Variants in PLAC1 observed in about 807,000 individuals in gnomAD.
PLAC1 encodes the protein placenta associated 1.
For synonymous variants in PLAC1, 68 were observed against 62.1 expected (o/e 1.09, Z -0.44); for missense variants, 136 against 163.2 (o/e 0.83, Z 0.91).
chrX:134,659,930 T>A (rs377098827), upstream of PLAC1, among the ~76,000 whole-genome samples: 2 of 111,675 alleles, frequency 1.8e-5, no homozygotes, highest in African/African-American at 6.5e-5. Flanking sequence ...AGCACATGAA[T>A]CTGTGTTTGT....
intron 2 of PLAC1, among the ~76,000 whole-genome samples, chrX:134,587,462 T>A (rs1022946704): frequency 9.0e-6 from 1 of 110,770 alleles, no homozygotes; most frequent in African/African-American, 3.3e-5. Flanking sequence ...GCACCTATAA[T>A]CCCAGCTACT....
chrX:134,760,161 A>G (rs968032312), intron 1 of PLAC1: 18 of 112,393 alleles, frequency 1.6e-4, no homozygotes, highest in African/African-American at 5.2e-4. Flanking sequence ...AAAATTTTAA[A>G]TTATGAACTT....
chrX:134,731,207 CACT>C (rs1441400435), intron 2 of PLAC1, among the ~76,000 whole-genome samples: 3 of 112,060 alleles, frequency 2.7e-5, no homozygotes, highest in Non-Finnish European at 5.6e-5. Context: ...ATTCCAGCAC[CACT>C]ACTTTAGAGC....
rs763435067 is a variant in PLAC1, at chrX:134,688,296, T to G, written n.174+45139A>C. The stretch of plus-strand genomic sequence containing the variant: ...TAGCCTTTCATTCACTGAGCAAGTA[T>G]GTAACAGACAACAGAGCAAATATTG... On this transcript the variant is annotated intron_variant and non_coding_transcript_variant, in intron 2 of 2. Transcript: ENST00000466797. Among the ~76,000 whole-genome samples, 8 of 112,033 alleles carry G rather than the reference T, an allele frequency of 7.1e-5. No homozygotes were observed. The East Asian group carries it at 2.3e-3, about 32-fold the overall frequency.
At chrX:134,607,881 C>A (rs1380751045) in intron 1 of PLAC1, among the ~76,000 whole-genome samples, 3 of 110,515 alleles carry the variant, frequency 2.7e-5, no homozygotes, top group African/African-American at 9.9e-5. Context: ...ACCTTGGATG[C>A]GGACCCCAAG....
At chrX:134,604,924 T>C (rs1373340771) in intron 1 of PLAC1, among the ~76,000 whole-genome samples, 2 of 111,849 alleles carry the variant, frequency 1.8e-5, no homozygotes, top group African/African-American at 6.5e-5. Flanking sequence ...TCACAGTGCC[T>C]TTCCAGTTCT....
intron 2 of PLAC1, among the ~76,000 whole-genome samples, chrX:134,714,999 A>G (rs759373293): frequency 8.9e-6 from 1 of 111,794 alleles, no homozygotes; most frequent in Non-Finnish European, 1.9e-5. Flanking sequence ...AGAATGAGGT[A>G]TCCCATCCCC....
intron 2 of PLAC1, among the ~76,000 whole-genome samples, chrX:134,732,212 G>A (rs972239009): frequency 9.0e-6 from 1 of 111,380 alleles, no homozygotes; most frequent in African/African-American, 3.3e-5. Flanking sequence ...GCTCCAGACA[G>A]AAATTAAATC....
chrX:134,751,908 A>T (rs1459702788), intron 1 of PLAC1, among the ~76,000 whole-genome samples: 2 of 112,450 alleles, frequency 1.8e-5, no homozygotes, highest in African/African-American at 6.5e-5. Flanking sequence ...GAACACCAAG[A>T]ATAAATGTTT....
intron 1 of PLAC1, among the ~76,000 whole-genome samples, chrX:134,756,121 G>T (rs950309047): frequency 9.1e-6 from 1 of 110,117 alleles, no homozygotes; most frequent in Non-Finnish European, 1.9e-5. Context: ...AAAGTGTTGG[G>T]ATTACAGGCA....
chrX:134,758,996 A>G (rs1439219353), intron 1 of PLAC1, among the ~76,000 whole-genome samples: 1 of 112,016 alleles, frequency 8.9e-6, no homozygotes, highest in Admixed American at 9.5e-5. Flanking sequence ...GAAAACATAC[A>G]AACAGCCAAC....
intron 1 of PLAC1, among the ~76,000 whole-genome samples, chrX:134,754,913 T>C (rs949745748): frequency 1.8e-5 from 2 of 110,421 alleles, no homozygotes; most frequent in Non-Finnish European, 3.8e-5. Flanking sequence ...ATAAGATAAA[T>C]GTTGGAATGA....
chrX:134,723,007 T>A (rs1462120157), intron 2 of PLAC1, among the ~76,000 whole-genome samples: 2 of 110,009 alleles, frequency 1.8e-5, no homozygotes, highest in African/African-American at 3.3e-5. Context: ...TGATTCTGAA[T>A]ACTGTCTCTT....
intron 1 of PLAC1, among the ~76,000 whole-genome samples, chrX:134,628,167 T>C (rs755583396): frequency 9.8e-5 from 11 of 112,066 alleles, no homozygotes; most frequent in African/African-American, 3.6e-4. Context: ...CAAGAATTGG[T>C]TTACTGGAAG....
chrX:134,665,453 A>G (rs1486779863), intron 2 of PLAC1, among the ~76,000 whole-genome samples: 1 of 111,842 alleles, frequency 8.9e-6, no homozygotes, highest in East Asian at 2.8e-4. Flanking sequence ...GTTGATGGGC[A>G]TTGAGACTAT....
chrX:134,588,146 A>G (rs1218144466), intron 2 of PLAC1, among the ~76,000 whole-genome samples: 3 of 110,992 alleles, frequency 2.7e-5, no homozygotes, highest in African/African-American at 9.8e-5. Context: ...AACACCCTTG[A>G]ATAGATTTTA....
At chrX:134,695,929 C>A (rs1198816812) in intron 2 of PLAC1, among the ~76,000 whole-genome samples, 3 of 110,047 alleles carry the variant, frequency 2.7e-5, no homozygotes, top group Non-Finnish European at 3.8e-5. Flanking sequence ...ACTGAGAAAA[C>A]CCTTGTATCA....
At chrX:134,605,538 A>C (rs1471289055) in intron 1 of PLAC1, 1 of 112,800 alleles carries the variant, frequency 8.9e-6, no homozygotes. Context: ...AGGATAGCTG[A>C]GTCTGACAAA....
chrX:134,740,975 G>A (rs768553827), intron 1 of PLAC1, among the ~76,000 whole-genome samples: 227 of 112,244 alleles, frequency 2.0e-3, no homozygotes, highest in African/African-American at 7.2e-3. Context: ...TTTAAGCCAT[G>A]AAATTTGTAG....
Sources: allele counts gnomAD v4.1 joint callset (sites outside exome capture counted in the v4.1 genomes callset), GRCh38; gene constraint gnomAD v4.1.1; transcripts MANE v1.5; gene names NCBI Gene and HGNC (gene_info 2026-07-23, HGNC 2026-07-21).